Variants in TNIP1 observed in about 807,000 individuals in gnomAD.
TNIP1 encodes TNFAIP3-interacting protein 1.
A neutral mutation model predicts 86.6 loss-of-function variants in TNIP1; 22 were observed. The ratio of observed to expected loss-of-function variants is 0.25; its 90% CI spans 0.18 to 0.36. The LOEUF (loss-of-function observed/expected upper bound fraction) is 0.36, where lower values mean the gene tolerates loss of function less well. Ranked by LOEUF, TNIP1 falls within the 10% of genes least tolerant of loss-of-function variation. The pLI, the probability that TNIP1 is intolerant of heterozygous loss-of-function variation, is 1.00. For missense variants in TNIP1, 709 were observed against 820.6 expected, an observed-to-expected ratio of 0.86 and a Z score of 1.66; for synonymous variants, 294 against 313.0, an observed-to-expected ratio of 0.94 and a Z score of 0.64.
chr5:151,041,199 T>C (rs1423746566), intron 11 of TNIP1, among the ~76,000 whole-genome samples: 6 of 151,840 alleles, frequency 4.0e-5, no homozygotes, highest in Admixed American at 3.9e-4. Context: ...GTCTACCGAG[T>C]AGCTGGGACT....
At chr5:151,083,971 A>G (rs773382203), upstream of TNIP1, among the ~76,000 whole-genome samples, 1 of 152,234 alleles carries the variant, frequency 6.6e-6, no homozygotes, top group Non-Finnish European at 1.5e-5. Flanking sequence ...CATTTCACAG[A>G]TGAAACTGAA....
intron 6 of TNIP1, among the ~76,000 whole-genome samples, chr5:151,054,710 A>T (rs1242251753): frequency 6.6e-6 from 1 of 152,180 alleles, no homozygotes; most frequent in Non-Finnish European, 1.5e-5. Flanking sequence ...AAATCAAAAA[A>T]TTATTGTTAT....
intron 13 of TNIP1, 139 bp downstream of exon 13, chr5:151,036,651 C>A: frequency 7.8e-7 from 1 of 1,280,714 alleles, no homozygotes. Context: ...AAACCTAGAG[C>A]CAGTGGGGGG....
intron 1 of TNIP1, among the ~76,000 whole-genome samples, chr5:151,077,380 T>C (rs1763509253): frequency 6.6e-6 from 1 of 152,218 alleles, no homozygotes; most frequent in African/African-American, 2.4e-5. Flanking sequence ...ACCAGTCTCA[T>C]CATCTTCTAC....
chr5:151,032,719 A>G (rs1379572333), intron 16 of TNIP1: 2 of 315,398 alleles, frequency 6.3e-6, no homozygotes, highest in African/African-American at 2.2e-5. Context: ...GAGGCCAGCC[A>G]GGAGGTTTCT....
In TNIP1 at chr5:151,057,773, A is replaced by T. The variant is rs116097427; in HGVS notation, c.436-816T>A. 3.1e-3 allele frequency among the ~76,000 whole-genome samples: 472 copies of T among 152,332 alleles called. 6 individuals carry two copies. Among genetic ancestry groups the T allele is most frequent in the African/African-American group, 0.011 (445 of 41,584 alleles). On this transcript the variant is annotated intron_variant, in intron 5 of 17. Transcript: ENST00000521591. ...TGTACAGAATTTTTTTCTTGTCATT[A>T]TTCCCTAAACAATACAGTATACCAA...
At chr5:151,071,529 C>T (rs76876563) in intron 1 of TNIP1, among the ~76,000 whole-genome samples, 2,445 of 152,256 alleles carry the variant, frequency 0.016, 74 homozygotes, top group African/African-American at 0.056. Flanking sequence ...CTTTAACCTT[C>T]TAACCTTAAG....
rs1401249736 is a variant in TNIP1 at position 151,056,911 on chromosome 5, A to G, written c.482T>C (p.Leu161Pro). The change falls in exon 6 of 18, where the codon CTG (leucine) becomes CCG (proline). Residue 161 changes from leucine to proline, a missense_variant. Leu to Pro is a moderately conservative substitution (Grantham distance 98, BLOSUM62 -3). Transcript: ENST00000521591. ...PREDGNLMLH[L>P]QRLETTLSVC... ...ACTCAGCGTGGTCTCCAGGCGCTGC[A>G]GGTGCAGCATCAGGTTGCCGTCCTC... The G allele has an allele frequency of 6.3e-7, 1 of 1,592,242 alleles. No individual in the cohort carries two copies. The highest frequency in any genetic ancestry group is 8.5e-7 in the Non-Finnish European group (1 of 1,170,008).
At chr5:151,036,271 C>A (rs1230630189) in intron 13 of TNIP1, among the ~76,000 whole-genome samples, 1 of 152,174 alleles carries the variant, frequency 6.6e-6, no homozygotes, top group East Asian at 1.9e-4. Context: ...CTTTCTTTCA[C>A]CCCAATCCTT....
At chr5:151,035,806 G>A in intron 13 of TNIP1, 99 bp from the exon 14 acceptor site, 2 of 1,510,332 alleles carry the variant, frequency 1.3e-6, no homozygotes, top group Non-Finnish European at 1.8e-6. Context: ...GGTCACAGAT[G>A]GCAGAGCTGG....
At chr5:151,068,425 G>A (rs1462309553) in intron 1 of TNIP1, among the ~76,000 whole-genome samples, 1 of 151,986 alleles carries the variant, frequency 6.6e-6, no homozygotes, top group Non-Finnish European at 1.5e-5. Context: ...TGCATTATCA[G>A]GTGGGAGAGA....
intron 1 of TNIP1, among the ~76,000 whole-genome samples, chr5:151,065,937 A>G (rs1762170181): frequency 6.6e-6 from 1 of 152,166 alleles, no homozygotes. Context: ...TATGTCACTG[A>G]AACCAGTTGG....
At chr5:151,067,262 A>G (rs903700850) in intron 1 of TNIP1, among the ~76,000 whole-genome samples, 1 of 152,240 alleles carries the variant, frequency 6.6e-6, no homozygotes, top group African/African-American at 2.4e-5. Context: ...CACATAGTAA[A>G]GTACTCAAAA....
At position 151,056,760 on chromosome 5, in the gene TNIP1, C is replaced by T; in HGVS notation, c.627+6G>A. ...TGTCTCGGGCTGCCCTCCCCACGCGCCTCACCTGCAGAATGGAGGTGCGCT... is the reference window on the plus strand; with the variant it reads ...TGTCTCGGGCTGCCCTCCCCACGCGTCTCACCTGCAGAATGGAGGTGCGCT... On this transcript the variant is annotated splice_donor_region_variant and intron_variant, in intron 6 of 17. Transcript: ENST00000521591. The T allele has an allele frequency of 4.7e-6, 7 of 1,491,044 alleles. No individual in the cohort carries two copies. Among genetic ancestry groups the T allele is most frequent in the African/African-American group, 1.4e-5 (1 of 70,020 alleles). The allele number at this position is 1,491,044 out of a possible 1,614,324, so 92.4% of individuals were successfully genotyped here.
intron 1 of TNIP1, among the ~76,000 whole-genome samples, chr5:151,078,916 A>G (rs1228553537): frequency 6.6e-6 from 1 of 152,184 alleles, no homozygotes. Flanking sequence ...GCCTGACCCA[A>G]CCAGGACATC....
chr5:151,033,894 G>T, intron 15 of TNIP1, 95 bp from the exon 16 acceptor site: 1 of 1,168,150 alleles, frequency 8.6e-7, no homozygotes, highest in Non-Finnish European at 1.1e-6. Context: ...CTCTCTGAAG[G>T]CTAGCAGGCT....
At chr5:151,032,728 C>T (rs1039866254) in intron 16 of TNIP1, 1 of 309,294 alleles carries the variant, frequency 3.2e-6, no homozygotes, top group South Asian at 3.0e-5. Flanking sequence ...CAGGAGGTTT[C>T]TGTAATGGTC....
intron 1 of TNIP1, among the ~76,000 whole-genome samples, chr5:151,072,692 C>A (rs1264407995): frequency 6.6e-6 from 1 of 152,194 alleles, no homozygotes; most frequent in African/African-American, 2.4e-5. Flanking sequence ...CACCAACCCT[C>A]TACCCCACAC....
chr5:151,071,975 G>A (rs565803467), intron 1 of TNIP1, among the ~76,000 whole-genome samples: 14 of 152,278 alleles, frequency 9.2e-5, no homozygotes, highest in South Asian at 2.1e-4. Context: ...GCATCATGAC[G>A]CACATGACCT....
Sources: allele counts gnomAD v4.1 joint callset (sites outside exome capture counted in the v4.1 genomes callset), GRCh38; gene constraint gnomAD v4.1.1; transcripts MANE v1.5; gene names NCBI Gene and HGNC (gene_info 2026-07-23, HGNC 2026-07-21).